The following SF3B3 variants were observed in gnomAD, a reference collection of about 807,000 sequenced individuals.
SF3B3 encodes the protein splicing factor 3b subunit 3, also known as SAP 130.
In SF3B3, 33 loss-of-function variants were observed where a neutral mutation model predicts 139.2. That is an observed-to-expected ratio of 0.24 (90% CI 0.18 to 0.32). SF3B3 has a LOEUF of 0.32. Ranked by LOEUF, SF3B3 falls within the 10% of genes least tolerant of loss-of-function variation. SF3B3 has a pLI of 1.00. For synonymous variants in SF3B3, 596 were observed against 563.6 expected, an observed-to-expected ratio of 1.06 and a Z score of -0.81; for missense variants, 818 against 1,509.4, an observed-to-expected ratio of 0.54 and a Z score of 7.59.
chr16:70,562,673 C>T (rs1597722097), intron 17 of SF3B3, among the ~76,000 whole-genome samples: 1 of 152,304 alleles, frequency 6.6e-6, no homozygotes, highest in East Asian at 1.9e-4. Context: ...CCCCTACCTC[C>T]TGAATTGCTA....
intron 2 of SF3B3, among the ~76,000 whole-genome samples, chr16:70,528,557 T>C (rs1027958155): frequency 1.3e-5 from 2 of 149,800 alleles, no homozygotes; most frequent in Non-Finnish European, 3.0e-5. Context: ...CTACATTCTC[T>C]GAACTCCTGG....
chr16:70,532,497 A>T lies in SF3B3; in HGVS notation c.589A>T (p.Thr197Ser). 6.2e-7 allele frequency: 1 copy of T among 1,614,154 alleles called. No homozygotes were observed. The change falls in exon 5 of 26, where the codon ACA (threonine) becomes TCA (serine). Residue 197 changes from threonine to serine, a missense_variant. Physicochemically the swap from Thr to Ser is moderately conservative, Grantham distance 58. This residue lies in a region of SF3B3 where 144 missense variants were observed against 259.2 expected (regional missense o/e 0.56). Coordinates refer to ENST00000302516, the MANE Select transcript of SF3B3 (RefSeq NM_012426.5). ...MDYEEADNDP[T>S]GEAAANTQQT... ...TCTGTAGGAAGCAGACAATGATCCA[A>T]CAGGGGAAGCAGCAGCTAATACCCA... is the stretch of plus-strand genomic sequence containing the variant.
chr16:70,527,696 G>C (rs1231246176), intron 2 of SF3B3, among the ~76,000 whole-genome samples: 1 of 152,210 alleles, frequency 6.6e-6, no homozygotes, highest in Non-Finnish European at 1.5e-5. Flanking sequence ...ATGAATCTCA[G>C]CTGGAGTTTG....
At chr16:70,555,463 G>C (rs1158600694) in intron 13 of SF3B3, among the ~76,000 whole-genome samples, 2 of 126,384 alleles carry the variant, frequency 1.6e-5, no homozygotes, top group Non-Finnish European at 3.2e-5. Context: ...TGGCGACAGA[G>C]CAAGACTCCG....
intron 2 of SF3B3, among the ~76,000 whole-genome samples, chr16:70,527,378 T>G (rs926927720): frequency 1.3e-5 from 2 of 152,194 alleles, no homozygotes; most frequent in African/African-American, 4.8e-5. Context: ...ATTTGCAGAT[T>G]TAACATTTTT....
Position 70,560,489 on chromosome 16 carries a change from T to A in SF3B3, c.2031T>A (p.Thr677=), listed in dbSNP as rs1168999229. 1 of 1,613,790 alleles carries A rather than the reference T, an allele frequency of 6.2e-7. No individual in the cohort carries two copies. Among genetic ancestry groups the A allele is most frequent in the South Asian group, 1.1e-5 (1 of 91,058 alleles). ...IGLQNGVLLR[T]VLDPVTGDLS... is the part of the protein sequence containing the mutation. ...ATTAGAACGGTGTGCTGCTGAGGACTGTCTTGGACCCTGTCACTGGGGATT... is the reference window on the plus strand; with the variant it reads ...ATTAGAACGGTGTGCTGCTGAGGACAGTCTTGGACCCTGTCACTGGGGATT... Residue 677 remains threonine, a synonymous_variant, in exon 16 of 26, where the codon ACT becomes ACA. Coordinates refer to ENST00000302516, the MANE Select transcript of SF3B3 (RefSeq NM_012426.5).
chr16:70,565,096 G>A lies in SF3B3; in HGVS notation c.2495G>A (p.Arg832Gln), dbSNP rs1200587393. 3.7e-6 allele frequency: 6 copies of A among 1,613,802 alleles called. No homozygotes were observed. The highest frequency in any genetic ancestry group is 2.2e-5 in the East Asian group (1 of 44,888). ...EMVEAAGEDE[R>Q]ELAAEMAAAF... ...GTGGAAGCAGCAGGGGAGGATGAGC[G>A]GGAGCTGGCCGCAGAGATGGCAGCA... is the stretch of plus-strand genomic sequence containing the variant. Residue 832 changes from arginine (R) to glutamine (Q), a missense_variant, in exon 19 of 26, where the codon CGG (arginine) becomes CAG (glutamine). Transcript: ENST00000302516.
rs1597727268 is a variant in SF3B3, at chr16:70,574,645, CCATCA to C, written c.*2834_*2838del. 6.6e-6 allele frequency: 1 copy of C among 152,214 alleles called. No homozygotes were observed. Among genetic ancestry groups the C allele is most frequent in the African/African-American group, 2.4e-5 (1 of 41,454 alleles). The allele number at this position is 152,214 out of a possible 1,614,324, so 9.4% of individuals were successfully genotyped here. On this transcript the variant is annotated 3_prime_UTR_variant, in exon 26 of 26. Transcript: ENST00000302516. ...AAATAGCTGGAACTACAGGCATGTG[CCATCA>C]CGTCCAGCTAATTTTTGTATTTTTA...
chr16:70,540,919 A>G (rs1312653954), intron 8 of SF3B3, among the ~76,000 whole-genome samples: 1 of 152,184 alleles, frequency 6.6e-6, no homozygotes, highest in Non-Finnish European at 1.5e-5. Context: ...TGCTGTGCTA[A>G]TACCTATTTG....
In SF3B3 at chr16:70,544,438, A is replaced by T; in HGVS notation, c.1234A>T (p.Ile412Leu). 6.2e-7 allele frequency: 1 copy of T among 1,603,262 alleles called. No individual in the cohort carries two copies. Among genetic ancestry groups the T allele is most frequent in the Non-Finnish European group, 8.5e-7 (1 of 1,170,590 alleles). ...DSLSPILFCQ[I>L]ADLANEDTPQ... ...TTCCTCTAACTTTTTCTCTGTGCAG[A>T]TAGCTGATCTGGCCAATGAAGATAC... The change falls in exon 10 of 26, where the codon ATA becomes TTA. Residue 412 changes from isoleucine (I) to leucine (L), a missense_variant and splice_region_variant. By Grantham distance (5) the Ile-to-Leu change is conservative (BLOSUM62 2). Transcript: ENST00000302516.
chr16:70,544,234 T>C (rs1238894802), intron 9 of SF3B3, among the ~76,000 whole-genome samples: 1 of 152,190 alleles, frequency 6.6e-6, no homozygotes, highest in Admixed American at 6.5e-5. Context: ...GTAGACTCCA[T>C]TGCTCTGCAG....
chr16:70,547,859 G>T (rs2050284070), intron 10 of SF3B3, among the ~76,000 whole-genome samples: 1 of 152,136 alleles, frequency 6.6e-6, no homozygotes, highest in Admixed American at 6.5e-5. Flanking sequence ...CAAAGTGCTG[G>T]GATTTCAGGT....
chr16:70,532,581 A>G lies in SF3B3; in HGVS notation c.673A>G (p.Ser225Gly), dbSNP rs2050132114. The G allele has an allele frequency of 6.2e-7, 1 of 1,614,062 alleles. No individual in the cohort carries two copies. The highest frequency in any genetic ancestry group is 1.3e-5 in the African/African-American group (1 of 74,940). ...LGLNHVVRKY[S>G]EPLEEHGNFL... is the part of the protein sequence containing the mutation. ...TTTAAATCATGTGGTCCGAAAATACAGTGAACCTTTGGAGGAACACGGCAA... is the reference window on the plus strand; with the variant it reads ...TTTAAATCATGTGGTCCGAAAATACGGTGAACCTTTGGAGGAACACGGCAA... The change falls in exon 5 of 26, where the codon AGT becomes GGT. Residue 225 changes from serine (S) to glycine (G), a missense_variant. Coordinates refer to ENST00000302516, the MANE Select transcript of SF3B3 (RefSeq NM_012426.5).
rs1259739672 is a variant in SF3B3, at chr16:70,538,427, C to A, written c.930C>A (p.Ile310=). ...FFLAQTEQGD[I]FKITLETDED... ...TGGCTCAAACTGAGCAGGGAGATATCTTTAAGATCACTTTGGAGACAGATG... is the reference window on the plus strand; with the variant it reads ...TGGCTCAAACTGAGCAGGGAGATATATTTAAGATCACTTTGGAGACAGATG... Residue 310 remains isoleucine (I), a synonymous_variant, in exon 7 of 26, where the codon ATC becomes ATA. Transcript: ENST00000302516. 2.5e-6 allele frequency: 4 copies of A among 1,613,818 alleles called. No homozygotes were observed. In the South Asian group the frequency reaches 3.3e-5, roughly 13 times the overall value.
At chr16:70,531,060 A>AT (rs1206896274) in intron 4 of SF3B3, 143 bp downstream of exon 4, 1 of 686,040 alleles carries the variant, frequency 1.5e-6, no homozygotes, top group African/African-American at 1.8e-5. Flanking sequence ...AGGTCAGGAG[A>AT]TCGAGACCAT....
At chr16:70,560,416 T>C (rs2050418235) in intron 15 of SF3B3, 53 bp from the exon 16 acceptor site, 1 of 1,596,148 alleles carries the variant, frequency 6.3e-7, no homozygotes, top group Non-Finnish European at 8.6e-7. Context: ...GGTTTTCCCA[T>C]CATAGCTGAT....
intron 11 of SF3B3, among the ~76,000 whole-genome samples, chr16:70,552,099 G>C (rs1239690567): frequency 6.6e-6 from 1 of 152,152 alleles, no homozygotes; most frequent in Non-Finnish European, 1.5e-5. Context: ...CTTGGTCGAA[G>C]GAAAGGCACC....
chr16:70,567,230 C>G (rs1298900920), intron 20 of SF3B3, among the ~76,000 whole-genome samples, 181 bp from the exon 21 acceptor site: 1 of 152,194 alleles, frequency 6.6e-6, no homozygotes, highest in East Asian at 1.9e-4. Context: ...GATCCCTCTA[C>G]TGAGTGAATG....
In SF3B3 at chr16:70,539,091, C is replaced by T; in HGVS notation, c.964-13C>T. 1 of 1,592,516 alleles carries T rather than the reference C, an allele frequency of 6.3e-7. No individual in the cohort carries two copies. The highest frequency in any genetic ancestry group is 8.6e-7 in the Non-Finnish European group (1 of 1,160,300). On this transcript the variant is annotated splice_polypyrimidine_tract_variant and intron_variant, in intron 7 of 25. Coordinates refer to ENST00000302516, the MANE Select transcript of SF3B3 (RefSeq NM_012426.5). ...ACTTTGTTTGTACACCAGAATGTTTCTTTTCTCACCAGGTTACTGAGATCC... is the reference window on the plus strand; with the variant it reads ...ACTTTGTTTGTACACCAGAATGTTTTTTTTCTCACCAGGTTACTGAGATCC...
Sources: allele counts gnomAD v4.1 joint callset (sites outside exome capture counted in the v4.1 genomes callset), GRCh38; gene constraint gnomAD v4.1.1; regional missense constraint gnomAD v4.1.1; transcripts MANE v1.5; gene names NCBI Gene and HGNC (gene_info 2026-07-23, HGNC 2026-07-21).